Variants in SNX2 observed in about 807,000 individuals in gnomAD.
SNX2 encodes sorting nexin 2.
A neutral mutation model predicts 69.9 loss-of-function variants in SNX2; 25 were observed. The ratio of observed to expected loss-of-function variants is 0.36; its 90% CI spans 0.26 to 0.50. The LOEUF is 0.50. SNX2 is among the 20% of genes least tolerant of loss of function. SNX2 has a pLI of 0.97. For synonymous variants in SNX2, 229 were observed against 200.4 expected, an observed-to-expected ratio of 1.14 and a Z score of -1.20; for missense variants, 551 against 613.3, an observed-to-expected ratio of 0.90 and a Z score of 1.07.
chr5:122,806,168 A>ACACACACACACACACC (rs1491247026), intron 6 of SNX2, among the ~76,000 whole-genome samples: 2 of 145,644 alleles, frequency 1.4e-5, no homozygotes, highest in African/African-American at 2.5e-5. Flanking sequence ...ACACACACAC[A>ACACACACACACACACC]GCCCACCATT....
At chr5:122,782,670 G>T (rs1342245172) in intron 1 of SNX2, among the ~76,000 whole-genome samples, 1 of 151,876 alleles carries the variant, frequency 6.6e-6, no homozygotes, top group Non-Finnish European at 1.5e-5. Context: ...CCTAGTAGCT[G>T]GGATTACAGG....
intron 1 of SNX2, among the ~76,000 whole-genome samples, chr5:122,779,410 C>T (rs1391330330): frequency 6.6e-6 from 1 of 152,150 alleles, no homozygotes; most frequent in South Asian, 2.1e-4. Flanking sequence ...ATGAATGGAT[C>T]GTATAATACA....
chr5:122,822,862 CA>C (rs1469385529), intron 11 of SNX2, among the ~76,000 whole-genome samples: 1 of 152,152 alleles, frequency 6.6e-6, no homozygotes, highest in Non-Finnish European at 1.5e-5. Flanking sequence ...ATTTATAAAA[CA>C]TACTAAAAAA....
At chr5:122,777,939 A>C (rs1047238554) in intron 1 of SNX2, among the ~76,000 whole-genome samples, 1 of 152,178 alleles carries the variant, frequency 6.6e-6, no homozygotes, top group Non-Finnish European at 1.5e-5. Context: ...TATTCCTCCT[A>C]TTTGGCTGTA....
chr5:122,834,495 T>G lies in SNX2; in HGVS notation c.*4847T>G, dbSNP rs1754366559. The G allele has an allele frequency of 1.3e-5, 2 of 152,198 alleles. No homozygotes were observed. 9.4% of individuals were successfully genotyped at this position (152,198 alleles called of 1,614,324 possible). ...GAAAAAATAAAGTTCTATTTTAAAT[T>G]TATACATGTAACTTTAATAAAAACT... On this transcript the variant is annotated 3_prime_UTR_variant, in exon 15 of 15. Transcript: ENST00000379516.
intron 1 of SNX2, among the ~76,000 whole-genome samples, chr5:122,792,959 A>G (rs1055095369): frequency 6.6e-6 from 1 of 152,224 alleles, no homozygotes; most frequent in Admixed American, 6.5e-5. Flanking sequence ...CGAAAGTGAA[A>G]AAAATGGAAT....
At chr5:122,806,566 A>G (rs1050729916) in intron 6 of SNX2, among the ~76,000 whole-genome samples, 6 of 151,814 alleles carry the variant, frequency 4.0e-5, no homozygotes. Flanking sequence ...GAAAAGTATT[A>G]AAAGTTAACT....
chr5:122,814,267 T>G (rs1488667719), intron 7 of SNX2, among the ~76,000 whole-genome samples: 1 of 152,218 alleles, frequency 6.6e-6, no homozygotes, highest in Non-Finnish European at 1.5e-5. Flanking sequence ...GTGTTAAAAT[T>G]GTAAGTCAAA....
intron 6 of SNX2, among the ~76,000 whole-genome samples, chr5:122,806,168 A>ACACACACACACACACACACACACACC (rs1491247026): frequency 6.9e-6 from 1 of 145,644 alleles, no homozygotes; most frequent in Non-Finnish European, 1.5e-5. Context: ...ACACACACAC[A>ACACACACACACACACACACACACACC]GCCCACCATT....
At position 122,799,733 on chromosome 5, in the gene SNX2, C is replaced by A; in HGVS notation, c.268C>A (p.Pro90Thr). Residue 90 changes from proline (P) to threonine (T), a missense_variant, in exon 3 of 15, where the codon CCT (proline) becomes ACT (threonine). Transcript: ENST00000379516. Reference protein sequence around the residue: ...EVSLDSPEREPILSSEPSPAV... With the variant: ...EVSLDSPERETILSSEPSPAV... Reference sequence around the variant, plus strand: ...TTCTTTGGACAGCCCTGAAAGGGAACCTATCCTATCCTCGGAACCTTCTCC... The same window carrying A: ...TTCTTTGGACAGCCCTGAAAGGGAAACTATCCTATCCTCGGAACCTTCTCC... 6.2e-7 allele frequency: 1 copy of A among 1,613,764 alleles called. No homozygotes were observed. The highest frequency in any genetic ancestry group is 8.5e-7 in the Non-Finnish European group (1 of 1,179,774).
intron 1 of SNX2, 181 bp downstream of exon 1, chr5:122,775,392 C>T: frequency 1.5e-6 from 2 of 1,312,792 alleles, no homozygotes; most frequent in Non-Finnish European, 1.9e-6. Flanking sequence ...AGCGCAGGGC[C>T]TCCTCAGGAG....
At chr5:122,796,430 G>A (rs1753378545) in intron 2 of SNX2, among the ~76,000 whole-genome samples, 1 of 151,864 alleles carries the variant, frequency 6.6e-6, no homozygotes, top group South Asian at 2.1e-4. Context: ...ATTTTATTAT[G>A]TCACAAAATT....
intron 7 of SNX2, among the ~76,000 whole-genome samples, chr5:122,812,291 T>TA (rs1185520537): frequency 6.6e-6 from 1 of 152,216 alleles, no homozygotes; most frequent in Non-Finnish European, 1.5e-5. Context: ...CTCACTCTGT[T>TA]ACCCATTTGA....
At chr5:122,806,140 G>GCACACACA (rs1296313992) in intron 6 of SNX2, among the ~76,000 whole-genome samples, 2 of 30,248 alleles carry the variant, frequency 6.6e-5, no homozygotes. Flanking sequence ...ACACACGCGC[G>GCACACACA]CGCACACACA....
At chr5:122,817,479 A>C in intron 10 of SNX2, 106 bp downstream of exon 10, 1 of 736,420 alleles carries the variant, frequency 1.4e-6, no homozygotes, top group Non-Finnish European at 2.1e-6. Flanking sequence ...AGAAGAGAGA[A>C]AACAATCATT....
intron 7 of SNX2, among the ~76,000 whole-genome samples, chr5:122,814,123 T>A (rs970944470): frequency 1.3e-5 from 2 of 152,198 alleles, no homozygotes; most frequent in African/African-American, 4.8e-5. Context: ...TGTTTGTTTT[T>A]TACAAGTATC....
intron 1 of SNX2, among the ~76,000 whole-genome samples, chr5:122,789,679 T>G (rs909575942): frequency 6.6e-6 from 1 of 152,182 alleles, no homozygotes; most frequent in African/African-American, 2.4e-5. Context: ...ATATGACCCC[T>G]TTGTCTGATT....
chr5:122,775,268 C>T, intron 1 of SNX2, 57 bp downstream of exon 1: 1 of 1,499,546 alleles, frequency 6.7e-7, no homozygotes, highest in Non-Finnish European at 9.0e-7. Flanking sequence ...TCTCACCTTT[C>T]CCCTGCCCCG....
chr5:122,775,652 G>A, intron 1 of SNX2: 2 of 987,320 alleles, frequency 2.0e-6, no homozygotes, highest in Non-Finnish European at 2.4e-6. Context: ...AGTGAGCGCT[G>A]AGGGGCCGAG....
Sources: gnomAD v4.1 joint callset for allele counts (sites outside exome capture counted in the v4.1 genomes callset) on GRCh38, gnomAD v4.1.1 for gene constraint, MANE v1.5 for transcripts, NCBI Gene and HGNC (gene_info 2026-07-23, HGNC 2026-07-21) for gene names.